PHACTR1: variants seen among roughly 807,000 people sequenced by gnomAD.
The protein encoded by PHACTR1 is RPEL repeat containing 1.
Under a neutral mutation model 69.2 loss-of-function variants are expected in PHACTR1, and 16 were observed. The observed-to-expected ratio is 0.23, with a 90% confidence interval of 0.16 to 0.35. PHACTR1 has a LOEUF of 0.35. Among genes scored for constraint, PHACTR1 ranks in the 10% least tolerant of loss-of-function variants. The probability of loss-of-function intolerance (pLI) is 1.00; values close to 1 mark genes in which losing one functional copy is unlikely to be tolerated. For missense variants in PHACTR1, 510 were observed against 734.7 expected (o/e 0.69, Z 3.54); for synonymous variants, 312 against 284.5 (o/e 1.10, Z -0.97).
intron 8 of PHACTR1, among the ~76,000 whole-genome samples, chr6:13,210,483 G>C (rs1766644961): frequency 6.6e-6 from 1 of 152,220 alleles, no homozygotes; most frequent in East Asian, 1.9e-4. Context: ...GCCCTAGGCA[G>C]TGGGGTCCGA....
Position 13,162,412 on chromosome 6 carries a change from C to A in PHACTR1, c.496+2128C>A, listed in dbSNP as rs377387289. ...AAAGTGCTGGGATTACAGGTGTGAG[C>A]CACCGCGCCCGGCCCCTCCCTTGTT... On this transcript the variant is annotated intron_variant, in intron 6 of 14. Transcript: ENST00000332995. Among the ~76,000 whole-genome samples, 24 of 152,046 alleles carry A rather than the reference C, an allele frequency of 1.6e-4. No homozygotes were observed. In the South Asian group the frequency reaches 5.0e-3, roughly 32 times the overall value.
chr6:13,168,137 A>T (rs1464390255), intron 6 of PHACTR1, among the ~76,000 whole-genome samples: 8 of 152,348 alleles, frequency 5.3e-5, no homozygotes, highest in Admixed American at 2.6e-4. Flanking sequence ...GAAAGCTGTG[A>T]TTTGGAGTAA....
At chr6:12,726,288 C>T (rs1271145299) in intron 3 of PHACTR1, among the ~76,000 whole-genome samples, 1 of 152,114 alleles carries the variant, frequency 6.6e-6, no homozygotes, top group African/African-American at 2.4e-5. Flanking sequence ...AGTTTTCATT[C>T]TGCCTAAAAG....
intron 4 of PHACTR1, among the ~76,000 whole-genome samples, chr6:12,859,791 T>C (rs1165824671): frequency 1.3e-5 from 2 of 152,274 alleles, no homozygotes; most frequent in South Asian, 2.1e-4. Flanking sequence ...GTGTTCAACA[T>C]CATTAACTAA....
intron 4 of PHACTR1, among the ~76,000 whole-genome samples, chr6:13,033,921 T>G (rs1187584424): frequency 1.3e-5 from 2 of 152,246 alleles, no homozygotes; most frequent in Non-Finnish European, 2.9e-5. Flanking sequence ...TATGAACTTA[T>G]CTTCAAGAAA....
At chr6:13,098,027 T>C (rs1285020293) in intron 5 of PHACTR1, among the ~76,000 whole-genome samples, 1 of 152,208 alleles carries the variant, frequency 6.6e-6, no homozygotes, top group Non-Finnish European at 1.5e-5. Context: ...CTCTCTCTTA[T>C]GGATCTCAGT....
chr6:12,900,307 C>A (rs913201742), intron 4 of PHACTR1, among the ~76,000 whole-genome samples: 2 of 151,930 alleles, frequency 1.3e-5, no homozygotes, highest in Non-Finnish European at 1.5e-5. Context: ...AAGCGGATAC[C>A]TTTATCTTGT....
chr6:12,904,915 A>C lies in PHACTR1; in HGVS notation c.251-148450A>C, dbSNP rs200544834. Among the ~76,000 whole-genome samples the C allele has an allele frequency of 2.0e-5, 3 of 152,208 alleles. No individual in the cohort carries two copies. The East Asian group carries it at 5.8e-4, about 29-fold the overall frequency. On this transcript the variant is annotated intron_variant, in intron 4 of 14. Coordinates refer to ENST00000332995, the MANE Select transcript of PHACTR1 (RefSeq NM_030948.6). ...AGATGAGGTATGCAAAGTCCCTGGCATGCAGTGAGCACTCAGCAATAAGTG... is the reference window on the plus strand; with the variant it reads ...AGATGAGGTATGCAAAGTCCCTGGCCTGCAGTGAGCACTCAGCAATAAGTG...
At chr6:12,872,642 T>C (rs1782151738) in intron 4 of PHACTR1, among the ~76,000 whole-genome samples, 1 of 152,232 alleles carries the variant, frequency 6.6e-6, no homozygotes, top group African/African-American at 2.4e-5. Context: ...TAATCAATTG[T>C]GAGCCTGGTT....
At chr6:12,742,433 CT>C (rs1765171535) in intron 3 of PHACTR1, among the ~76,000 whole-genome samples, 1 of 152,120 alleles carries the variant, frequency 6.6e-6, no homozygotes, top group South Asian at 2.1e-4. Flanking sequence ...AGAGGTCAAT[CT>C]GGTTGCCATC....
At chr6:13,077,553 G>A (rs1810718102) in intron 5 of PHACTR1, among the ~76,000 whole-genome samples, 2 of 152,214 alleles carry the variant, frequency 1.3e-5, no homozygotes, top group African/African-American at 4.8e-5. Context: ...GGCAACTGCT[G>A]GGAGATATAA....
Position 13,255,341 on chromosome 6 carries a change from G to T in PHACTR1, c.1392-17519G>T, listed in dbSNP as rs141719676. On this transcript the variant is annotated intron_variant, in intron 10 of 14. Transcript: ENST00000332995. The stretch of plus-strand genomic sequence containing the variant: ...CCACCAGGTCCCACCTCCAACACTG[G>T]GTATTACAATTGAACATGAGATTTG... Among the ~76,000 whole-genome samples, 130 of 152,184 alleles carry T rather than the reference G, an allele frequency of 8.5e-4. 3 individuals are homozygous for T. The East Asian group carries it at 0.022, about 25-fold the overall frequency.
At chr6:13,251,624 G>A (rs1317860764) in intron 10 of PHACTR1, among the ~76,000 whole-genome samples, 2 of 152,176 alleles carry the variant, frequency 1.3e-5, no homozygotes, top group East Asian at 3.9e-4. Context: ...AGAGAACACG[G>A]ACTAATGTGT....
chr6:13,260,259 T>C (rs996411787), intron 10 of PHACTR1, among the ~76,000 whole-genome samples: 1 of 152,148 alleles, frequency 6.6e-6, no homozygotes, highest in Non-Finnish European at 1.5e-5. Flanking sequence ...GATGGGGAAC[T>C]CCATAGACAG....
chr6:13,228,928 A>G (rs1454612976), intron 9 of PHACTR1, among the ~76,000 whole-genome samples: 1 of 152,240 alleles, frequency 6.6e-6, no homozygotes, highest in Non-Finnish European at 1.5e-5. Context: ...TCAAGCCCAA[A>G]GCCATCCTCA....
At chr6:13,077,765 T>C (rs2127789088) in intron 5 of PHACTR1, among the ~76,000 whole-genome samples, 1 of 152,064 alleles carries the variant, frequency 6.6e-6, no homozygotes, top group East Asian at 1.9e-4. Flanking sequence ...GCAAGAGACA[T>C]TGGAGCCAGC....
In PHACTR1 at chr6:12,765,133, A is replaced by G. The variant is rs2127616640; in HGVS notation, c.250+15343A>G. 1.3e-5 allele frequency among the ~76,000 whole-genome samples: 2 copies of G among 151,738 alleles called. 1 individual carries two copies. Among genetic ancestry groups the G allele is most frequent in the South Asian group, 4.2e-4 (2 of 4,804 alleles). On this transcript the variant is annotated intron_variant, in intron 4 of 14. Coordinates refer to ENST00000332995, the MANE Select transcript of PHACTR1 (RefSeq NM_030948.6). ...TAAGCACCTTTCAAACAACTCAGGCAAGAAGAAGGCTCAGTTTTGTTTATC... is the reference window on the plus strand; with the variant it reads ...TAAGCACCTTTCAAACAACTCAGGCGAGAAGAAGGCTCAGTTTTGTTTATC...
At chr6:12,995,808 C>T (rs897286385) in intron 4 of PHACTR1, among the ~76,000 whole-genome samples, 3 of 151,880 alleles carry the variant, frequency 2.0e-5, no homozygotes, top group Admixed American at 1.3e-4. Context: ...TTTTAAGACA[C>T]ATTTTTTCAC....
At chr6:12,956,462 A>G (rs1172387105) in intron 4 of PHACTR1, among the ~76,000 whole-genome samples, 1 of 152,164 alleles carries the variant, frequency 6.6e-6, no homozygotes, top group East Asian at 1.9e-4. Context: ...TTGAGGAATT[A>G]TTACTATTAC....
Sources: allele counts gnomAD v4.1 joint callset (sites outside exome capture counted in the v4.1 genomes callset), GRCh38; gene constraint gnomAD v4.1.1; transcripts MANE v1.5; gene names NCBI Gene and HGNC (gene_info 2026-07-23, HGNC 2026-07-21).